MMP16: variants seen among roughly 807,000 people sequenced by gnomAD.
MMP16 encodes the protein matrix metalloproteinase-16.
Under a neutral mutation model 67.8 loss-of-function variants are expected in MMP16, and 12 were observed. The ratio of observed to expected loss-of-function variants is 0.18; its 90% CI spans 0.11 to 0.29. The LOEUF (loss-of-function observed/expected upper bound fraction) is 0.29, where lower values mean the gene tolerates loss of function less well. Ranked by LOEUF, MMP16 falls within the 10% of genes least tolerant of loss-of-function variation. The probability of loss-of-function intolerance (pLI) is 1.00; values close to 1 mark genes in which losing one functional copy is unlikely to be tolerated. For missense variants in MMP16, 475 were observed against 765.7 expected (o/e 0.62, Z 4.48); for synonymous variants, 249 against 255.9 (o/e 0.97, Z 0.26).
rs141144630 is a variant in MMP16, at chr8:88,229,828, G to A, written c.133-32522C>T. Among the ~76,000 whole-genome samples the A allele has an allele frequency of 5.2e-3, 793 of 152,164 alleles. 11 individuals are homozygous for A. The highest frequency in any genetic ancestry group is 0.018 in the African/African-American group (752 of 41,516). On this transcript the variant is annotated intron_variant, in intron 1 of 9. Coordinates refer to ENST00000286614, the MANE Select transcript of MMP16 (RefSeq NM_005941.5). ...TGTCTACATCCAAGTCTAAATGACC[G>A]AGAGAATAAGTAATGCTGTATTTAA...
chr8:88,110,485 C>T (rs1238808269), intron 6 of MMP16, among the ~76,000 whole-genome samples: 1 of 151,524 alleles, frequency 6.6e-6, no homozygotes, highest in Admixed American at 6.6e-5. Flanking sequence ...AATGTCTTGA[C>T]GATTGCTCCC....
intron 3 of MMP16, among the ~76,000 whole-genome samples, chr8:88,170,511 C>T (rs149563618): frequency 5.1e-4 from 77 of 152,192 alleles, no homozygotes; most frequent in Admixed American, 2.2e-3. Context: ...CCCTCATTAG[C>T]GGGCTGATAT....
At chr8:88,258,905 T>C (rs1272431062) in intron 1 of MMP16, among the ~76,000 whole-genome samples, 1 of 152,226 alleles carries the variant, frequency 6.6e-6, no homozygotes, top group East Asian at 1.9e-4. Context: ...TGCATAGCCA[T>C]GATTCAGAGG....
At chr8:88,046,540 T>G (rs1808201462) in intron 9 of MMP16, 129 bp downstream of exon 9, 4 of 423,608 alleles carry the variant, frequency 9.4e-6, no homozygotes, top group Non-Finnish European at 1.6e-5. Context: ...AAAGTTCATA[T>G]AAATAGAAAT....
intron 6 of MMP16, among the ~76,000 whole-genome samples, chr8:88,082,884 A>C (rs1463869310): frequency 6.6e-6 from 1 of 152,066 alleles, no homozygotes; most frequent in Non-Finnish European, 1.5e-5. Context: ...CCCTAAATTC[A>C]TCTGTATAAG....
chr8:88,138,075 C>A (rs562088057), intron 4 of MMP16, among the ~76,000 whole-genome samples: 2 of 151,876 alleles, frequency 1.3e-5, no homozygotes, highest in African/African-American at 4.8e-5. Context: ...AATTCCAACA[C>A]CTGAATCATG....
At chr8:88,189,655 CT>C (rs1189678406) in intron 2 of MMP16, among the ~76,000 whole-genome samples, 1 of 152,186 alleles carries the variant, frequency 6.6e-6, no homozygotes, top group African/African-American at 2.4e-5. Context: ...AGGGTGTCCC[CT>C]GTCCTCCTTC....
At chr8:88,256,855 T>A (rs1276844221) in intron 1 of MMP16, among the ~76,000 whole-genome samples, 1 of 152,186 alleles carries the variant, frequency 6.6e-6, no homozygotes, top group East Asian at 1.9e-4. Flanking sequence ...CATAGCCAAA[T>A]GTTATTTTAT....
chr8:88,056,375 T>G (rs941961617), intron 7 of MMP16, 97 bp from the exon 8 acceptor site: 1 of 416,034 alleles, frequency 2.4e-6, no homozygotes, highest in Non-Finnish European at 3.6e-6. Flanking sequence ...ATACATATTA[T>G]ACATTTAAAA....
At chr8:88,095,549 T>G (rs1460645318) in intron 6 of MMP16, among the ~76,000 whole-genome samples, 3 of 151,824 alleles carry the variant, frequency 2.0e-5, no homozygotes, top group African/African-American at 7.2e-5. Flanking sequence ...ATTAGAAAAT[T>G]CACAAGGAGC....
chr8:88,157,002 T>C (rs1195447800), intron 4 of MMP16, among the ~76,000 whole-genome samples: 1 of 152,248 alleles, frequency 6.6e-6, no homozygotes, highest in East Asian at 1.9e-4. Context: ...GCAGCAGACA[T>C]GGACTAGCTG....
chr8:88,290,698 C>T (rs964169295), intron 1 of MMP16, among the ~76,000 whole-genome samples: 3 of 152,176 alleles, frequency 2.0e-5, no homozygotes, highest in African/African-American at 7.2e-5. Context: ...CTGCCTCAGC[C>T]TCCTGAGTAG....
intron 6 of MMP16, among the ~76,000 whole-genome samples, chr8:88,088,051 T>TTATATCTATGTATAATAGATATCTA (rs1563527971): frequency 2.6e-4 from 10 of 38,808 alleles, no homozygotes; most frequent in African/African-American, 9.1e-4. Context: ...TAGATATCTA[T>TTATATCTATGTATAATAGATATCTA]TATATCTATA....
intron 1 of MMP16, among the ~76,000 whole-genome samples, chr8:88,325,823 T>G (rs1811527645): frequency 6.6e-6 from 1 of 152,172 alleles, no homozygotes; most frequent in African/African-American, 2.4e-5. Context: ...TTTCAAATAC[T>G]TTTTTTGTAC....
At chr8:88,228,122 C>A (rs371617460) in intron 1 of MMP16, among the ~76,000 whole-genome samples, 2 of 152,030 alleles carry the variant, frequency 1.3e-5, no homozygotes, top group Non-Finnish European at 2.9e-5. Context: ...ACATTACAAT[C>A]GTCAATGCTA....
chr8:88,168,461 T>C (rs1391572334), intron 3 of MMP16, among the ~76,000 whole-genome samples: 2 of 152,212 alleles, frequency 1.3e-5, no homozygotes, highest in East Asian at 1.9e-4. Context: ...TGTAACGAAA[T>C]GATCAAAGAA....
intron 6 of MMP16, among the ~76,000 whole-genome samples, chr8:88,078,055 C>T (rs185530076): frequency 6.6e-6 from 1 of 151,922 alleles, no homozygotes; most frequent in Non-Finnish European, 1.5e-5. Context: ...TTCCTTCCTC[C>T]TTCCCTCTCT....
At chr8:88,166,553 A>C (rs1808713646) in intron 4 of MMP16, among the ~76,000 whole-genome samples, 1 of 151,062 alleles carries the variant, frequency 6.6e-6, no homozygotes, top group Admixed American at 6.6e-5. Context: ...ACTGATGGAT[A>C]GTTAGGATAG....
chr8:88,055,848 C>T (rs1808325324), intron 8 of MMP16, among the ~76,000 whole-genome samples: 1 of 151,840 alleles, frequency 6.6e-6, no homozygotes, highest in African/African-American at 2.4e-5. Context: ...TACATATATA[C>T]ACTGCTTACA....
Sources: allele counts gnomAD v4.1 joint callset (sites outside exome capture counted in the v4.1 genomes callset), GRCh38; gene constraint gnomAD v4.1.1; transcripts MANE v1.5; gene names NCBI Gene and HGNC (gene_info 2026-07-23, HGNC 2026-07-21).